RNF145: variants seen among roughly 807,000 people sequenced by gnomAD.
RNF145 encodes ring finger protein 145.
RNF145 carries 12 observed loss-of-function variants against 57.3 expected under a neutral mutation model. The ratio of observed to expected loss-of-function variants is 0.21; its 90% confidence interval spans 0.13 to 0.34. The LOEUF (loss-of-function observed/expected upper bound fraction) is 0.34. RNF145 is among the 10% of genes least tolerant of loss of function. RNF145 has a pLI of 1.00. For synonymous variants in RNF145, 262 were observed against 288.3 expected, an observed-to-expected ratio of 0.91 and a Z score of 0.92; for missense variants, 429 against 799.0, an observed-to-expected ratio of 0.54 and a Z score of 5.58.
chr5:159,195,872 T>C (rs1056832685), intron 2 of RNF145, among the ~76,000 whole-genome samples: 8 of 152,226 alleles, frequency 5.3e-5, no homozygotes, highest in Non-Finnish European at 8.8e-5. Context: ...ACACCTGAGA[T>C]ATATTCCACT....
rs1784233407 is a variant in RNF145 at position 159,162,007 on chromosome 5, A to G, written c.1270-385T>C. 2.6e-5 allele frequency among the ~76,000 whole-genome samples: 4 copies of G among 152,168 alleles called. No individual in the cohort carries two copies. In the South Asian group the frequency reaches 8.3e-4, roughly 32 times the overall value. Reference sequence around the variant, plus strand: ...AGTCATTCCTGTTCTACAACTCGCAAAGAAGTTTTACTTCTGCAAAAAAAT... The same window carrying G: ...AGTCATTCCTGTTCTACAACTCGCAGAGAAGTTTTACTTCTGCAAAAAAAT... On this transcript the variant is annotated intron_variant, in intron 9 of 10. Transcript: ENST00000424310.
chr5:159,161,226 T>C, intron 10 of RNF145, 40 bp downstream of exon 10: 1 of 1,339,044 alleles, frequency 7.5e-7, no homozygotes, highest in South Asian at 1.3e-5. Flanking sequence ...AGGGATACAC[T>C]GTATGACTTA....
rs1336411368 is a variant in RNF145, at chr5:159,161,529, TCA to T, written c.1361_1362del (p.Val454GlufsTer43). The T allele has an allele frequency of 6.2e-7, 1 of 1,613,838 alleles. No homozygotes were observed. The highest frequency in any genetic ancestry group is 8.5e-7 in the Non-Finnish European group (1 of 1,179,924). ...AACTCCAGCAGGCGGTAAGTGCCAT[TCA>T]CATAGTAGATGACATCATCCATGTT... ...VENMDDVIYY[V>X]NGTYRLLEFL... On this transcript the variant is annotated frameshift_variant, in exon 10 of 11. Transcript: ENST00000424310. LOFTEE classifies it high-confidence loss of function.
At chr5:159,209,728 CG>C, upstream of RNF145, 1 of 1,116,888 alleles carries the variant, frequency 9.0e-7, no homozygotes, top group Non-Finnish European at 1.3e-6. Context: ...CAGCCCGGCT[CG>C]GGTGGCTATG....
chr5:159,171,087 A>C (rs1784537369), intron 6 of RNF145, among the ~76,000 whole-genome samples: 3 of 152,198 alleles, frequency 2.0e-5, no homozygotes, highest in Non-Finnish European at 4.4e-5. Context: ...ACCAATGTAC[A>C]CTATGATGAG....
intron 6 of RNF145, among the ~76,000 whole-genome samples, chr5:159,170,026 G>A (rs1366158313): frequency 6.6e-6 from 1 of 152,044 alleles, no homozygotes; most frequent in Non-Finnish European, 1.5e-5. Flanking sequence ...TATCTCATTG[G>A]CAAATATGCA....
intron 1 of RNF145, among the ~76,000 whole-genome samples, chr5:159,208,367 C>A (rs1374021769): frequency 1.3e-5 from 2 of 152,174 alleles, no homozygotes; most frequent in Non-Finnish European, 2.9e-5. Flanking sequence ...CGAAGAAAAA[C>A]GCGGGCGAAG....
At chr5:159,208,936 C>G (rs892742592) in intron 1 of RNF145, among the ~76,000 whole-genome samples, 6 of 150,398 alleles carry the variant, frequency 4.0e-5, no homozygotes, top group Non-Finnish European at 8.9e-5. Flanking sequence ...AGCCGAGGCC[C>G]GGGAGCTGGA....
chr5:159,160,669 TG>T (rs1295256685), intron 10 of RNF145, among the ~76,000 whole-genome samples: 1 of 152,244 alleles, frequency 6.6e-6, no homozygotes, highest in African/African-American at 2.4e-5. Context: ...ACCTTTAATT[TG>T]TAATAGAAGA....
intron 3 of RNF145, among the ~76,000 whole-genome samples, chr5:159,190,993 G>T (rs1785271042): frequency 6.6e-6 from 1 of 150,834 alleles, no homozygotes. Context: ...CTACAAAGGG[G>T]TATCCAATCT....
chr5:159,195,557 T>C (rs1785430866), intron 2 of RNF145, among the ~76,000 whole-genome samples: 1 of 152,200 alleles, frequency 6.6e-6, no homozygotes, highest in South Asian at 2.1e-4. Context: ...CCTGCTTATT[T>C]TTGATCCCCA....
At chr5:159,199,451 A>C (rs1045255155) in intron 2 of RNF145, among the ~76,000 whole-genome samples, 3 of 152,146 alleles carry the variant, frequency 2.0e-5, no homozygotes, top group African/African-American at 4.8e-5. Flanking sequence ...AACATAGAAA[A>C]GTCTGTAGAA....
intron 5 of RNF145, among the ~76,000 whole-genome samples, chr5:159,174,849 T>C (rs904145227): frequency 1.3e-5 from 2 of 152,142 alleles, no homozygotes; most frequent in Non-Finnish European, 2.9e-5. Context: ...TAAAACACTC[T>C]TCTTATGAAA....
At chr5:159,188,458 A>T (rs1194887927) in intron 3 of RNF145, among the ~76,000 whole-genome samples, 1 of 151,798 alleles carries the variant, frequency 6.6e-6, no homozygotes, top group Non-Finnish European at 1.5e-5. Context: ...TGTGGATGTG[A>T]CCACACCCTC....
At chr5:159,164,578 T>C (rs1185911951) in intron 8 of RNF145, among the ~76,000 whole-genome samples, 2 of 152,098 alleles carry the variant, frequency 1.3e-5, no homozygotes, top group South Asian at 2.1e-4. Context: ...AACATATACA[T>C]AGACACACAT....
At chr5:159,208,213 G>C in intron 1 of RNF145, 1 of 1,297,312 alleles carries the variant, frequency 7.7e-7, no homozygotes. Context: ...AGCAGCAGTA[G>C]CAGCAGCAAC....
upstream of RNF145, chr5:159,209,884 C>G: frequency 6.5e-7 from 1 of 1,536,148 alleles, no homozygotes; most frequent in Non-Finnish European, 8.7e-7. Context: ...ATTTGAAGGG[C>G]TGATCCTGTC....
chr5:159,165,760 T>G (rs565128854), intron 8 of RNF145, among the ~76,000 whole-genome samples: 1 of 151,628 alleles, frequency 6.6e-6, no homozygotes, highest in Non-Finnish European at 1.5e-5. Context: ...TATCATCTTT[T>G]TGGATTTACT....
intron 4 of RNF145, among the ~76,000 whole-genome samples, chr5:159,181,651 T>C (rs1294953207): frequency 6.6e-6 from 1 of 152,126 alleles, no homozygotes; most frequent in Non-Finnish European, 1.5e-5. Flanking sequence ...TACTACGTGT[T>C]TCATTTTAAT....
Sources: allele counts gnomAD v4.1 joint callset (sites outside exome capture counted in the v4.1 genomes callset), GRCh38; gene constraint gnomAD v4.1.1; transcripts MANE v1.5; gene names NCBI Gene and HGNC (gene_info 2026-07-23, HGNC 2026-07-21).